Variants in EPHA7 observed in about 807,000 individuals in gnomAD.
EPHA7 encodes the protein EPH receptor A7, also known as ephrin type-A receptor 7.
In EPHA7, 25 loss-of-function variants were observed where a neutral mutation model predicts 112.6. The ratio of observed to expected loss-of-function variants is 0.22; its 90% CI spans 0.16 to 0.31. The LOEUF (loss-of-function observed/expected upper bound fraction) is 0.31. Among genes scored for constraint, EPHA7 ranks in the 10% least tolerant of loss-of-function variants. The pLI is 1.00. For missense variants in EPHA7, 962 were observed against 1,212.6 expected, an observed-to-expected ratio of 0.79 and a Z score of 3.07; for synonymous variants, 437 against 406.5, an observed-to-expected ratio of 1.07 and a Z score of -0.90.
chr6:93,395,224 C>T (rs905141311), intron 3 of EPHA7, among the ~76,000 whole-genome samples: 1 of 151,616 alleles, frequency 6.6e-6, no homozygotes, highest in Admixed American at 6.6e-5. Flanking sequence ...TTAAAAAAGC[C>T]TTTTTGACTT....
intron 3 of EPHA7, among the ~76,000 whole-genome samples, chr6:93,383,381 T>G (rs1255933158): frequency 2.0e-5 from 3 of 150,936 alleles, no homozygotes; most frequent in Non-Finnish European, 3.0e-5. Context: ...TGTCACTCAA[T>G]GCATAGATTC....
chr6:93,336,391 C>T (rs760036012), intron 5 of EPHA7, among the ~76,000 whole-genome samples: 15 of 151,978 alleles, frequency 9.9e-5, no homozygotes, highest in Non-Finnish European at 1.8e-4. Context: ...CTGTTCAAAG[C>T]CTTTTACACT....
intron 5 of EPHA7, among the ~76,000 whole-genome samples, chr6:93,350,205 A>C (rs1311850501): frequency 6.6e-6 from 1 of 151,994 alleles, no homozygotes. Context: ...CTATCCCACA[A>C]AGATTACATT....
chr6:93,349,648 T>C (rs949378241), intron 5 of EPHA7, among the ~76,000 whole-genome samples: 4 of 151,920 alleles, frequency 2.6e-5, no homozygotes, highest in South Asian at 2.1e-4. Flanking sequence ...TTAATATTAC[T>C]TTATATAACC....
chr6:93,348,412 A>G (rs1043734218), intron 5 of EPHA7, among the ~76,000 whole-genome samples: 6 of 151,856 alleles, frequency 4.0e-5, no homozygotes, highest in African/African-American at 1.4e-4. Context: ...AGCATCTCCA[A>G]TCCTGATCTC....
rs66894419 is a variant in EPHA7 at position 93,359,874 on chromosome 6, GAGAT to G, written c.833-1467_833-1464del. Among the ~76,000 whole-genome samples the G allele has an allele frequency of 5.4e-3, 692 of 127,878 alleles. 3 individuals are homozygous for G. Among genetic ancestry groups the G allele is most frequent in the African/African-American group, 8.4e-3 (285 of 33,986 alleles). 83.9% of individuals were successfully genotyped at this position (127,878 alleles called of 152,430 possible). A position where few individuals can be genotyped will look rare whatever the true frequency, so the allele number is the denominator to read the frequency against. Reference sequence around the variant, plus strand: ...GATGATAGAGAGAGAGAGAGAGAGAGAGATAGATAGATAGATAGATAGATAGATA... The same window carrying G: ...GATGATAGAGAGAGAGAGAGAGAGAGAGATAGATAGATAGATAGATAGATA... On this transcript the variant is annotated intron_variant, in intron 3 of 16. Coordinates refer to ENST00000369303, the MANE Select transcript of EPHA7 (RefSeq NM_004440.4).
intron 14 of EPHA7, among the ~76,000 whole-genome samples, chr6:93,247,957 G>C (rs1770031779): frequency 6.6e-6 from 1 of 152,034 alleles, no homozygotes. Flanking sequence ...ACCTGAAAAT[G>C]TTCCAAATCT....
chr6:93,304,675 A>G (rs1305088810), intron 5 of EPHA7, among the ~76,000 whole-genome samples: 6 of 151,938 alleles, frequency 3.9e-5, no homozygotes, highest in Non-Finnish European at 8.8e-5. Context: ...AGATTATGTC[A>G]CTCCTCTGCT....
intron 7 of EPHA7, among the ~76,000 whole-genome samples, chr6:93,265,975 A>T (rs977050155): frequency 6.6e-6 from 1 of 151,696 alleles, no homozygotes; most frequent in African/African-American, 2.4e-5. Flanking sequence ...GTGTTGAAAA[A>T]CAGGAAAAAT....
chr6:93,419,545 C>A lies in EPHA7; in HGVS notation c.-204G>T. The stretch of plus-strand genomic sequence containing the variant: ...CGCACCGTGTTTGCTGCCTGCAAGT[C>A]TCCGACTGCAGACCGGCCGCTTGCT... On this transcript the variant is annotated 5_prime_UTR_variant, in exon 1 of 17. Coordinates refer to ENST00000369303, the MANE Select transcript of EPHA7 (RefSeq NM_004440.4). The A allele has an allele frequency of 1.9e-6, 1 of 525,214 alleles. No individual in the cohort carries two copies. Among genetic ancestry groups the A allele is most frequent in the Non-Finnish European group, 3.3e-6 (1 of 300,778 alleles). The allele number at this position is 525,214 out of a possible 1,614,324, so 32.5% of individuals were successfully genotyped here. A position where few individuals can be genotyped will look rare whatever the true frequency, so the allele number is the denominator to read the frequency against.
At chr6:93,316,069 G>A (rs956285493) in intron 5 of EPHA7, among the ~76,000 whole-genome samples, 1 of 152,094 alleles carries the variant, frequency 6.6e-6, no homozygotes, top group Non-Finnish European at 1.5e-5. Context: ...ACATATTATT[G>A]GAAAGAAAGC....
chr6:93,416,697 C>G (rs1157007182), intron 1 of EPHA7, among the ~76,000 whole-genome samples: 1 of 152,208 alleles, frequency 6.6e-6, no homozygotes, highest in Non-Finnish European at 1.5e-5. Flanking sequence ...TTTGCGCCCG[C>G]GGAGGCGCAG....
chr6:93,379,123 A>G (rs1239779832), intron 3 of EPHA7, among the ~76,000 whole-genome samples: 1 of 152,154 alleles, frequency 6.6e-6, no homozygotes, highest in African/African-American at 2.4e-5. Context: ...AGTAAAAATT[A>G]TGTTACACAT....
chr6:93,284,403 A>G, intron 5 of EPHA7, among the ~76,000 whole-genome samples: 1 of 152,158 alleles, frequency 6.6e-6, no homozygotes, highest in East Asian at 1.9e-4. Context: ...GGAAGAAGAA[A>G]AGAAACAGGA....
intron 5 of EPHA7, among the ~76,000 whole-genome samples, chr6:93,287,904 A>G (rs1229606053): frequency 6.6e-6 from 1 of 152,216 alleles, no homozygotes; most frequent in Non-Finnish European, 1.5e-5. Context: ...CCCAACTAGA[A>G]TGACTATAAT....
chr6:93,244,408 G>C (rs936045322), intron 16 of EPHA7, among the ~76,000 whole-genome samples: 1 of 152,008 alleles, frequency 6.6e-6, no homozygotes, highest in African/African-American at 2.4e-5. Flanking sequence ...TTTGATTGCT[G>C]GTCTTCATCT....
In EPHA7 at chr6:93,294,840, C is replaced by A. The variant is rs186590895; in HGVS notation, c.1325-22418G>T. Among the ~76,000 whole-genome samples, 10 of 152,018 alleles carry A rather than the reference C, an allele frequency of 6.6e-5. No homozygotes were observed. The East Asian group carries it at 1.6e-3, about 24-fold the overall frequency. ...TATAGAAAGTAGAATAAAATCAGTA[C>A]TTTTTCTTTGCTTGTATATATTTTA... On this transcript the variant is annotated intron_variant, in intron 5 of 16. Coordinates refer to ENST00000369303, the MANE Select transcript of EPHA7 (RefSeq NM_004440.4).
At chr6:93,394,084 A>G (rs1778042941) in intron 3 of EPHA7, among the ~76,000 whole-genome samples, 1 of 151,710 alleles carries the variant, frequency 6.6e-6, no homozygotes, top group Admixed American at 6.6e-5. Context: ...TTTTAGACAA[A>G]CTATTGCAAT....
At chr6:93,392,444 C>A (rs991075373) in intron 3 of EPHA7, among the ~76,000 whole-genome samples, 1 of 151,866 alleles carries the variant, frequency 6.6e-6, no homozygotes, top group Admixed American at 6.6e-5. Context: ...CAGATCGACA[C>A]AAAAGAAAAA....
Sources: gnomAD v4.1 joint callset for allele counts (sites outside exome capture counted in the v4.1 genomes callset) on GRCh38, gnomAD v4.1.1 for gene constraint, MANE v1.5 for transcripts, NCBI Gene and HGNC (gene_info 2026-07-23, HGNC 2026-07-21) for gene names.